ZFR: variants seen among roughly 807,000 people sequenced by gnomAD.
ZFR encodes zinc finger RNA binding protein.
ZFR carries 19 observed loss-of-function variants against 130.7 expected under a neutral mutation model. The observed-to-expected ratio is 0.15, with a 90% CI of 0.10 to 0.21. The LOEUF (loss-of-function observed/expected upper bound fraction) is 0.21, where lower values mean the gene tolerates loss of function less well. Among genes scored for constraint, ZFR ranks in the 10% least tolerant of loss-of-function variants. ZFR has a pLI of 1.00. For missense variants in ZFR, 872 were observed against 1,321.5 expected (o/e 0.66, Z 5.27); for synonymous variants, 466 against 456.9 (o/e 1.02, Z -0.25).
intron 5 of ZFR, among the ~76,000 whole-genome samples, chr5:32,412,729 A>C (rs1753738455): frequency 6.6e-6 from 1 of 152,234 alleles, no homozygotes; most frequent in Admixed American, 6.5e-5. Flanking sequence ...CAACTTGTAA[A>C]GCATATTGCT....
chr5:32,395,116 A>T lies in ZFR; in HGVS notation c.1979+43T>A. On this transcript the variant is annotated intron_variant, in intron 11 of 19. Transcript: ENST00000265069. ...CTCAGAATGGCTAAGTTTTTAAGAA[A>T]GGCTGAACCACTTACCAGGCTATTA... is the stretch of plus-strand genomic sequence containing the variant. 4 of 1,513,524 alleles carry T rather than the reference A, an allele frequency of 2.6e-6. No individual in the cohort carries two copies. The South Asian group carries it at 5.4e-5, about 20-fold the overall frequency. The allele number at this position is 1,513,524 out of a possible 1,614,324, so 93.8% of individuals were successfully genotyped here. A position where few individuals can be genotyped will look rare whatever the true frequency, so the allele number is the denominator to read the frequency against.
At chr5:32,381,961 T>C (rs900192863) in intron 15 of ZFR, among the ~76,000 whole-genome samples, 1 of 152,068 alleles carries the variant, frequency 6.6e-6, no homozygotes, top group Non-Finnish European at 1.5e-5. Flanking sequence ...CTGTCAGGAA[T>C]AGATAAAGAA....
intron 5 of ZFR, among the ~76,000 whole-genome samples, chr5:32,408,599 T>C (rs1397411730): frequency 6.6e-6 from 1 of 152,228 alleles, no homozygotes; most frequent in East Asian, 1.9e-4. Flanking sequence ...ATTTAAACTA[T>C]ACATGTTTTT....
intron 17 of ZFR, among the ~76,000 whole-genome samples, chr5:32,375,489 C>T (rs940221178): frequency 6.6e-6 from 1 of 151,842 alleles, no homozygotes; most frequent in South Asian, 2.1e-4. Context: ...GGAAAGAAGG[C>T]AAAATATCAT....
At chr5:32,394,416 T>G (rs1753250442) in intron 11 of ZFR, 1 of 168,952 alleles carries the variant, frequency 5.9e-6, no homozygotes, top group African/African-American at 2.4e-5. Flanking sequence ...CCAAATGAAT[T>G]TATTAATTCA....
chr5:32,413,155 C>T (rs987638762), intron 5 of ZFR, among the ~76,000 whole-genome samples: 2 of 151,808 alleles, frequency 1.3e-5, no homozygotes, highest in African/African-American at 2.4e-5. Flanking sequence ...TACCACTGCA[C>T]TCCAGCCGAG....
intron 2 of ZFR, among the ~76,000 whole-genome samples, chr5:32,440,687 A>G (rs1196875749): frequency 1.3e-5 from 2 of 152,088 alleles, no homozygotes; most frequent in African/African-American, 4.8e-5. Context: ...ACAGGAAAAA[A>G]AAAATTCCAT....
At chr5:32,407,548 T>C (rs955039928) in intron 5 of ZFR, among the ~76,000 whole-genome samples, 1 of 151,940 alleles carries the variant, frequency 6.6e-6, no homozygotes, top group Non-Finnish European at 1.5e-5. Flanking sequence ...GATCAACTGA[T>C]GGGCTGTGCA....
chr5:32,415,304 G>T, intron 4 of ZFR, 117 bp from the exon 5 acceptor site: 1 of 868,840 alleles, frequency 1.2e-6, no homozygotes, highest in Non-Finnish European at 1.8e-6. Flanking sequence ...TAAATTTTAT[G>T]CCAGCAATTT....
intron 2 of ZFR, among the ~76,000 whole-genome samples, chr5:32,425,226 T>A (rs939075975): frequency 6.6e-6 from 1 of 152,212 alleles, no homozygotes; most frequent in Non-Finnish European, 1.5e-5. Flanking sequence ...GGGGAGTTTT[T>A]AATTTGTATA....
chr5:32,379,234 T>C (rs377741781), intron 16 of ZFR, 24 bp from the exon 17 acceptor site: 272 of 1,589,116 alleles, frequency 1.7e-4, no homozygotes, highest in Middle Eastern at 1.2e-3. Context: ...TAAAAACCAA[T>C]TGAATTAATC....
At chr5:32,387,232 C>T (rs986074150) in intron 14 of ZFR, among the ~76,000 whole-genome samples, 6 of 151,794 alleles carry the variant, frequency 4.0e-5, no homozygotes, top group African/African-American at 1.5e-4. Context: ...TTTAAAAAAT[C>T]ACTTTGTCCT....
intron 19 of ZFR, among the ~76,000 whole-genome samples, chr5:32,360,410 G>C (rs1752406750): frequency 6.6e-6 from 1 of 152,108 alleles, no homozygotes; most frequent in South Asian, 2.1e-4. Flanking sequence ...TAGGCCCTGA[G>C]AACTACCACT....
At chr5:32,419,368 C>CG (rs1753903685) in intron 3 of ZFR, among the ~76,000 whole-genome samples, 1 of 151,926 alleles carries the variant, frequency 6.6e-6, no homozygotes, top group South Asian at 2.1e-4. Context: ...GACAGGGTCT[C>CG]GCTCTGTCAC....
chr5:32,402,693 G>A (rs961687350), intron 8 of ZFR, among the ~76,000 whole-genome samples: 6 of 151,480 alleles, frequency 4.0e-5, no homozygotes, highest in Non-Finnish European at 8.8e-5. Flanking sequence ...TGGGCGGATC[G>A]CTTGAGCCCT....
In ZFR at chr5:32,427,597, A is replaced by G. The variant is rs942378407; in HGVS notation, c.138-7494T>C. Among the ~76,000 whole-genome samples the G allele has an allele frequency of 3.3e-5, 5 of 152,208 alleles. No homozygotes were observed. In the East Asian group the frequency reaches 7.7e-4, roughly 23 times the overall value. ...GATCTAAAAATTCAGTGAAATTCCT[A>G]TAAAAATCCCAGTGATTTTTTTTTG... On this transcript the variant is annotated intron_variant, in intron 2 of 19. Coordinates refer to ENST00000265069, the MANE Select transcript of ZFR (RefSeq NM_016107.5).
At chr5:32,394,598 T>G (rs1434056114) in intron 11 of ZFR, 1 of 152,586 alleles carries the variant, frequency 6.6e-6, no homozygotes, top group East Asian at 1.9e-4. Flanking sequence ...TTATTGTTAA[T>G]GGGTACGTGA....
At chr5:32,436,818 G>A (rs995807067) in intron 2 of ZFR, among the ~76,000 whole-genome samples, 1 of 152,188 alleles carries the variant, frequency 6.6e-6, no homozygotes, top group African/African-American at 2.4e-5. Flanking sequence ...AATGGAGAAT[G>A]TAAAAACCTC....
chr5:32,407,069 G>GACAAGTT, intron 5 of ZFR, 48 bp from the exon 6 acceptor site: 1 of 1,363,638 alleles, frequency 7.3e-7, no homozygotes, highest in Non-Finnish European at 9.6e-7. Flanking sequence ...CTTATAGAAG[G>GACAAGTT]ACAAGTTAAA....
Sources: gnomAD v4.1 joint callset for allele counts (sites outside exome capture counted in the v4.1 genomes callset) on GRCh38, gnomAD v4.1.1 for gene constraint, MANE v1.5 for transcripts, NCBI Gene and HGNC (gene_info 2026-07-23, HGNC 2026-07-21) for gene names.